The following TOM1L1 variants were observed in gnomAD, a reference collection of about 807,000 sequenced individuals.
TOM1L1 encodes the protein target of myb1 like 1 membrane trafficking protein.
Under a neutral mutation model 63.4 loss-of-function variants are expected in TOM1L1, and 64 were observed. The ratio of observed to expected loss-of-function variants is 1.01; its 90% CI spans 0.83 to 1.24. TOM1L1 has a LOEUF of 1.24. TOM1L1 is among the 50% of genes most tolerant of loss of function. TOM1L1 has a pLI of 0.00. For missense variants in TOM1L1, 536 were observed against 567.0 expected, an observed-to-expected ratio of 0.95 and a Z score of 0.55; for synonymous variants, 166 against 194.4, an observed-to-expected ratio of 0.85 and a Z score of 1.22.
At chr17:54,930,019 C>G in intron 7 of TOM1L1, 54 bp from the exon 8 acceptor site, 1 of 1,610,360 alleles carries the variant, frequency 6.2e-7, no homozygotes, top group Non-Finnish European at 8.5e-7. Flanking sequence ...AGTCAGATGT[C>G]TTTATAGAAT....
At chr17:54,952,546 C>CAAAAAAAAAA (rs71159275) in intron 14 of TOM1L1, 1 of 90,198 alleles carries the variant, frequency 1.1e-5, no homozygotes, top group Non-Finnish European at 2.1e-5. Context: ...GAGACTGTCT[C>CAAAAAAAAAA]AAAAAAAAAA....
Position 54,961,695 on chromosome 17 carries a change from C to A in TOM1L1, c.*462C>A. 1 of 1,044,608 alleles carries A rather than the reference C, an allele frequency of 9.6e-7. No homozygotes were observed. The highest frequency in any genetic ancestry group is 1.2e-6 in the Non-Finnish European group (1 of 867,308). 64.7% of individuals were successfully genotyped at this position (1,044,608 alleles called of 1,614,324 possible). On this transcript the variant is annotated 3_prime_UTR_variant, in exon 16 of 16. Coordinates refer to ENST00000575882, the MANE Select transcript of TOM1L1 (RefSeq NM_005486.3). The stretch of plus-strand genomic sequence containing the variant: ...TTTAACTAAAGTTGAATGTAAAAGT[C>A]AATTTGCACTTCTTTATAATCCTCT...
At chr17:54,903,318 A>G (rs943193092) in intron 1 of TOM1L1, among the ~76,000 whole-genome samples, 4 of 152,238 alleles carry the variant, frequency 2.6e-5, no homozygotes, top group African/African-American at 7.2e-5. Context: ...CTATCTCATC[A>G]TCTCTCACAG....
chr17:54,951,349 G>C (rs1164984650), intron 14 of TOM1L1, among the ~76,000 whole-genome samples: 1 of 152,174 alleles, frequency 6.6e-6, no homozygotes. Flanking sequence ...AAACTGACCT[G>C]ACCCAACCCC....
chr17:54,948,971 G>GT (rs111943244), intron 12 of TOM1L1, among the ~76,000 whole-genome samples: 7,066 of 151,140 alleles, frequency 0.047, 257 homozygotes, highest in East Asian at 0.19. Context: ...GCAATATATG[G>GT]TTTTTTTTTC....
Position 54,930,209 on chromosome 17 carries a change from G to A in TOM1L1, c.854+3G>A, listed in dbSNP as rs866518316. On this transcript the variant is annotated splice_donor_region_variant and intron_variant, in intron 8 of 15. Transcript: ENST00000575882. ...AATGCTATCCTTGGATATGAGAGGT[G>A]AGCAGATCATGTACCCTCTTTACCC... 2.5e-6 allele frequency: 4 copies of A among 1,613,918 alleles called. No homozygotes were observed. Among genetic ancestry groups the A allele is most frequent in the Middle Eastern group, 1.6e-4 (1 of 6,080 alleles).
In TOM1L1 at chr17:54,961,339, C is replaced by T. The variant is rs2077120118; in HGVS notation, c.*106C>T. The T allele has an allele frequency of 2.6e-6, 4 of 1,551,482 alleles. No individual in the cohort carries two copies. The South Asian group carries it at 3.6e-5, about 14-fold the overall frequency. On this transcript the variant is annotated 3_prime_UTR_variant, in exon 16 of 16. Transcript: ENST00000575882. ...TGGAAGACAATACCTACCAACATGT[C>T]AAAGCCATGGTGGCACATTTCTGCT...
At position 54,900,903 on chromosome 17, in the gene TOM1L1, C is replaced by A; in HGVS notation, c.38C>A (p.Thr13Asn). 6.2e-7 allele frequency: 1 copy of A among 1,613,940 alleles called. No individual in the cohort carries two copies. The highest frequency in any genetic ancestry group is 8.5e-7 in the Non-Finnish European group (1 of 1,180,032). The change falls in exon 1 of 16, where the codon ACC (threonine) becomes AAC (asparagine). Residue 13 changes from threonine to asparagine, a missense_variant. Physicochemically the swap from Thr to Asn is moderately conservative, Grantham distance 65. Transcript: ENST00000575882. ...AAGAGTCACCGGGATCCCTACGCGA[C>A]CTCCGTGGGCCACCTCATAGGTAAG... ...FGKSHRDPYA[T>N]SVGHLIEKAT... is the part of the protein sequence containing the mutation.
chr17:54,925,632 G>C (rs1299412329), intron 7 of TOM1L1, among the ~76,000 whole-genome samples: 1 of 152,212 alleles, frequency 6.6e-6, no homozygotes, highest in African/African-American at 2.4e-5. Flanking sequence ...GGCCAGATGC[G>C]ATGGAGCACG....
At chr17:54,906,922 C>A in intron 3 of TOM1L1, 2 of 556,798 alleles carry the variant, frequency 3.6e-6, no homozygotes, top group Non-Finnish European at 4.6e-6. Flanking sequence ...GGTCACGGCA[C>A]TAATCAGCCA....
intron 8 of TOM1L1, among the ~76,000 whole-genome samples, chr17:54,933,042 A>G (rs1026145216): frequency 6.6e-6 from 1 of 152,216 alleles, no homozygotes; most frequent in Admixed American, 6.5e-5. Flanking sequence ...ATTCAGAGAG[A>G]AACTCTTGCC....
intron 7 of TOM1L1, among the ~76,000 whole-genome samples, chr17:54,925,499 C>G (rs940953335): frequency 8.5e-5 from 13 of 152,150 alleles, no homozygotes; most frequent in Non-Finnish European, 1.5e-4. Context: ...ATCTGGAGGG[C>G]CAAGGAAAGT....
intron 12 of TOM1L1, 60 bp from the exon 13 acceptor site, chr17:54,949,458 G>A: frequency 8.2e-7 from 1 of 1,226,310 alleles, no homozygotes; most frequent in South Asian, 1.2e-5. Flanking sequence ...AGGAGTCTCA[G>A]TAATAAAAGA....
intron 14 of TOM1L1, chr17:54,959,082 T>G (rs1020562715): frequency 2.0e-5 from 3 of 152,136 alleles, no homozygotes; most frequent in African/African-American, 7.2e-5. Flanking sequence ...CCAGAGAGTT[T>G]AGAGGTTTGA....
chr17:54,946,519 G>GC (rs2049122164), intron 11 of TOM1L1, among the ~76,000 whole-genome samples: 1 of 152,172 alleles, frequency 6.6e-6, no homozygotes, highest in Non-Finnish European at 1.5e-5. Context: ...AAGTCCCATT[G>GC]CCTCGGCTGT....
intron 11 of TOM1L1, among the ~76,000 whole-genome samples, chr17:54,943,987 AATAAATAAATAC>A (rs2049075897): frequency 7.0e-6 from 1 of 142,030 alleles, no homozygotes; most frequent in Non-Finnish European, 1.5e-5. Flanking sequence ...CAAATAAATA[AATAAATAAATAC>A]ATAAATAAAT....
chr17:54,945,410 TTA>T (rs2049101603), intron 11 of TOM1L1, among the ~76,000 whole-genome samples: 1 of 152,200 alleles, frequency 6.6e-6, no homozygotes, highest in African/African-American at 2.4e-5. Context: ...GTTTGTGGCT[TTA>T]TGTCTTTCAC....
chr17:54,935,987 G>T (rs927681847), intron 8 of TOM1L1, among the ~76,000 whole-genome samples: 1 of 152,072 alleles, frequency 6.6e-6, no homozygotes, highest in African/African-American at 2.4e-5. Context: ...GCTGGGCATG[G>T]TGGCACACGC....
chr17:54,957,776 C>T (rs1337149140), intron 14 of TOM1L1: 1 of 152,126 alleles, frequency 6.6e-6, no homozygotes, highest in Non-Finnish European at 1.5e-5. Context: ...AAGATACACA[C>T]GATTCACTAA....
Sources: gnomAD v4.1 joint callset for allele counts (sites outside exome capture counted in the v4.1 genomes callset) on GRCh38, gnomAD v4.1.1 for gene constraint, MANE v1.5 for transcripts, NCBI Gene and HGNC (gene_info 2026-07-23, HGNC 2026-07-21) for gene names.